DMPK: variants seen among roughly 807,000 people sequenced by gnomAD.
The protein encoded by DMPK is DM1 protein kinase, also known as myotonin-protein kinase.
In DMPK, 32 loss-of-function variants were observed where a neutral mutation model predicts 70.3. That is an observed-to-expected ratio of 0.46 (90% CI 0.34 to 0.61). The LOEUF (loss-of-function observed/expected upper bound fraction) is 0.61, where lower values mean the gene tolerates loss of function less well. Among genes scored for constraint, DMPK ranks in the 20% least tolerant of loss-of-function variants. The pLI is 0.01. For missense variants in DMPK, 899 were observed against 886.0 expected (o/e 1.01, Z -0.19); for synonymous variants, 469 against 390.9 (o/e 1.20, Z -2.36).
chr19:45,772,804 TGGAGA>T, intron 9 of DMPK, 52 bp from the exon 10 acceptor site: 1 of 1,087,418 alleles, frequency 9.2e-7, no homozygotes, highest in Non-Finnish European at 1.3e-6. Flanking sequence ...GATTCTCTGG[TGGAGA>T]ACCAGAACTT....
At chr19:45,770,692 T>G (rs1411014541) in intron 14 of DMPK, 52 bp from the exon 15 acceptor site, 2 of 1,533,306 alleles carry the variant, frequency 1.3e-6, no homozygotes, top group Admixed American at 4.0e-5. Context: ...GATTGGCTCC[T>G]GGGACTCGCC....
At chr19:45,774,045 C>A (rs989465192) in intron 9 of DMPK, among the ~76,000 whole-genome samples, 1 of 151,636 alleles carries the variant, frequency 6.6e-6, no homozygotes, top group Non-Finnish European at 1.5e-5. Context: ...CAACCTCCCC[C>A]TCCTGGGTTC....
At chr19:45,781,905 G>C (rs1180935355) in intron 1 of DMPK, among the ~76,000 whole-genome samples, 1 of 152,180 alleles carries the variant, frequency 6.6e-6, no homozygotes, top group African/African-American at 2.4e-5. Context: ...GGTGCAGAGA[G>C]GCCATGGGAG....
At chr19:45,778,254 G>T (rs1969892886) in intron 5 of DMPK, 34 bp from the exon 6 acceptor site, 3 of 1,576,758 alleles carry the variant, frequency 1.9e-6, no homozygotes, top group Non-Finnish European at 2.6e-6. Flanking sequence ...TGGGATAAAT[G>T]AACCTCCCTT....
intron 10 of DMPK, 92 bp downstream of exon 10, chr19:45,772,549 C>A (rs1969525826): frequency 1.4e-6 from 1 of 739,730 alleles, no homozygotes; most frequent in Non-Finnish European, 2.1e-6. Context: ...CAGGAAGTCC[C>A]TAGAGGGCTC....
Position 45,777,449 on chromosome 19 carries a change from G to A in DMPK, c.1024C>T (p.Leu342Phe), listed in dbSNP as rs1340765223. The A allele has an allele frequency of 3.1e-6, 5 of 1,613,392 alleles. No individual in the cohort carries two copies. The African/African-American group carries it at 5.3e-5, about 17-fold the overall frequency. The part of the protein sequence containing the change: ...DFRTHPFFFG[L>F]DWDGLRDSVP... ...CTGTCCCGGAGACCATCCCAGTCGA[G>A]GCCAAAGAAGAAGGGATGTGTCCGG... Residue 342 changes from leucine (L) to phenylalanine (F), a missense_variant, in exon 8 of 15, where the codon CTC (leucine) becomes TTC (phenylalanine). This residue lies in a region of DMPK where 555 missense variants were observed against 483.8 expected (regional missense o/e 1.15). Coordinates refer to ENST00000291270, the MANE Select transcript of DMPK (RefSeq NM_004409.5). The surrounding 1 kb of genome is among the most constrained non-coding windows in gnomAD (Gnocchi z 6.7).
At chr19:45,779,152 C>A in intron 4 of DMPK, 112 bp downstream of exon 4, 3 of 1,092,908 alleles carry the variant, frequency 2.7e-6, no homozygotes, top group South Asian at 1.3e-5. Flanking sequence ...GACTTTCCCA[C>A]AGACGTTTCC....
rs1969693435 is a variant in DMPK at position 45,774,959 on chromosome 19, T to C, written c.1222A>G (p.Met408Val). 2.5e-6 allele frequency: 4 copies of C among 1,613,860 alleles called. No homozygotes were observed. Among genetic ancestry groups the C allele is most frequent in the Non-Finnish European group, 3.4e-6 (4 of 1,179,942 alleles). Reference sequence around the variant, plus strand: ...CAGGGCAGTGCTTACCTGAGGGCCATGCAGGAGTAGGAGTAGCCCACAAAA... The same window carrying C: ...CAGGGCAGTGCTTACCTGAGGGCCACGCAGGAGTAGGAGTAGCCCACAAAA... Reference protein sequence around the residue: ...LPFVGYSYSCMALRDSEVPGP... With the variant: ...LPFVGYSYSCVALRDSEVPGP... Residue 408 changes from methionine (M) to valine (V), a missense_variant, in exon 9 of 15, where the codon ATG (methionine) becomes GTG (valine). By Grantham distance (21) the Met-to-Val change is conservative (BLOSUM62 1). Around this residue, in one of 3 missense-constraint regions of DMPK, gnomAD observed 555 missense variants for 483.8 expected, o/e 1.15. Transcript: ENST00000291270.
rs201008625 is a variant in DMPK, at chr19:45,777,632, C to A, written c.882+35G>T. On this transcript the variant is annotated intron_variant, in intron 7 of 14. Transcript: ENST00000291270. The surrounding 1 kb of genome is among the most constrained non-coding windows in gnomAD (Gnocchi z 6.7). The stretch of plus-strand genomic sequence containing the variant: ...GAGGCGATAGCCTGGGAGCGCCTAC[C>A]GGGAGAGGCCAGGTCTCCCTGCGGC... The A allele has an allele frequency of 5.1e-5, 82 of 1,613,276 alleles. No homozygotes were observed. The African/African-American group carries it at 1.0e-3, about 20-fold the overall frequency.
chr19:45,777,930 T>C lies in DMPK; in HGVS notation c.676-57A>G, dbSNP rs1015957267. 10 of 1,511,446 alleles carry C rather than the reference T, an allele frequency of 6.6e-6. No individual in the cohort carries two copies. The Middle Eastern group carries it at 5.3e-4, about 80-fold the overall frequency. The allele number at this position is 1,511,446 out of a possible 1,614,324, so 93.6% of individuals were successfully genotyped here. A position where few individuals can be genotyped will look rare whatever the true frequency, so the allele number is the denominator to read the frequency against. On this transcript the variant is annotated intron_variant, in intron 6 of 14. Transcript: ENST00000291270. The surrounding 1 kb of genome is among the most constrained non-coding windows in gnomAD (Gnocchi z 6.7). ...CCCACCCCTCTGGGCCCACCAGCTC[T>C]GGGCCCTCCTTCCAACCACTCCCCA...
rs1969251233 is a variant in DMPK, at chr19:45,770,178, A to T, written c.*310T>A. 1.5e-6 allele frequency: 1 copy of T among 670,566 alleles called. No homozygotes were observed. Among genetic ancestry groups the T allele is most frequent in the Non-Finnish European group, 2.4e-6 (1 of 410,720 alleles). The allele number at this position is 670,566 out of a possible 1,614,324, so 41.5% of individuals were successfully genotyped here. A position where few individuals can be genotyped will look rare whatever the true frequency, so the allele number is the denominator to read the frequency against. On this transcript the variant is annotated 3_prime_UTR_variant, in exon 15 of 15. Transcript: ENST00000291270. ...CCACGTCAGGGCCTCAGCCTGGCCG[A>T]AAGAAAGAAATGGTCTGTGATCCCC...
rs2146216372 is a variant in DMPK, at chr19:45,770,397, T to G, written c.*91A>C. ...CGGAGACCCACGCTCGGAGCGGTTG[T>G]GAACTGGCAGGCGGTGGGCGCGGCT... is the stretch of plus-strand genomic sequence containing the variant. On this transcript the variant is annotated 3_prime_UTR_variant, in exon 15 of 15. Coordinates refer to ENST00000291270, the MANE Select transcript of DMPK (RefSeq NM_004409.5). 1 of 1,474,594 alleles carries G rather than the reference T, an allele frequency of 6.8e-7. No individual in the cohort carries two copies. Among genetic ancestry groups the G allele is most frequent in the East Asian group, 2.5e-5 (1 of 40,522 alleles). The allele number at this position is 1,474,594 out of a possible 1,614,324, so 91.3% of individuals were successfully genotyped here.
At chr19:45,774,121 TTTTG>T (rs1012303363) in intron 9 of DMPK, among the ~76,000 whole-genome samples, 1 of 151,954 alleles carries the variant, frequency 6.6e-6, no homozygotes, top group Non-Finnish European at 1.5e-5. Context: ...GCCTGGCTAA[TTTTG>T]TTTTTTAGTA....
intron 4 of DMPK, 88 bp downstream of exon 4, chr19:45,779,176 A>C: frequency 7.2e-7 from 1 of 1,390,564 alleles, no homozygotes; most frequent in Non-Finnish European, 1.0e-6. Flanking sequence ...CAGCACCCCC[A>C]ATCCTAGAGC....
Position 45,777,760 on chromosome 19 carries a change from C to A in DMPK, c.789G>T (p.Ala263=), listed in dbSNP as rs754630789. 13 of 1,613,332 alleles carry A rather than the reference C, an allele frequency of 8.1e-6. No individual in the cohort carries two copies. Among genetic ancestry groups the A allele is most frequent in the Middle Eastern group, 3.3e-4 (2 of 6,062 alleles). ...GSYGPECDWW[A]LGVFAYEMFY... ...ACATTTCATAGGCGAATACACCCAGCGCCCACCAGTCACACTCGGGCCCGT... is the reference window on the plus strand; with the variant it reads ...ACATTTCATAGGCGAATACACCCAGAGCCCACCAGTCACACTCGGGCCCGT... Residue 263 remains alanine, a synonymous_variant, in exon 7 of 15, where the codon GCG becomes GCT. Coordinates refer to ENST00000291270, the MANE Select transcript of DMPK (RefSeq NM_004409.5). This position sits in a 1 kb window ranked among gnomAD's most constrained non-coding sequence, Gnocchi z 6.7.
rs776764650 is a variant in DMPK at position 45,777,820 on chromosome 19, C to T, written c.729G>A (p.Leu243=). The change falls in exon 7 of 15, where the codon CTG becomes CTA. Residue 243 remains leucine (L), a synonymous_variant. Transcript: ENST00000291270. The surrounding 1 kb of genome is among the most constrained non-coding windows in gnomAD (Gnocchi z 6.7). ...TCCCAGGCCCACCGCCCACAGCCTG[C>T]AGGATCTCGGGGGACAGGTAGTCTG... ...GTPDYLSPEI[L]QAVGGGPGTG... The T allele has an allele frequency of 3.1e-6, 5 of 1,612,404 alleles. No homozygotes were observed. In the South Asian group the frequency reaches 3.3e-5, roughly 11 times the overall value.
chr19:45,774,879 G>T, intron 9 of DMPK, 70 bp downstream of exon 9: 1 of 1,237,298 alleles, frequency 8.1e-7, no homozygotes, highest in Non-Finnish European at 1.2e-6. Context: ...TCCATTGGCT[G>T]CCAAGGAGCA....
Position 45,770,198 on chromosome 19 carries a change from A to AT in DMPK, c.*289dup. 1 of 614,236 alleles carries AT rather than the reference A, an allele frequency of 1.6e-6. No individual in the cohort carries two copies. The highest frequency in any genetic ancestry group is 2.2e-5 in the African/African-American group (1 of 44,714). The allele number at this position is 614,236 out of a possible 1,614,324, so 38.0% of individuals were successfully genotyped here. A position where few individuals can be genotyped will look rare whatever the true frequency, so the allele number is the denominator to read the frequency against. ...GGCCGAAAGAAAGAAATGGTCTGTG[A>AT]TCCCCCCAGCAGCAGCAGCAGCAGC... is the stretch of plus-strand genomic sequence containing the variant. On this transcript the variant is annotated 3_prime_UTR_variant, in exon 15 of 15. Transcript: ENST00000291270.
intron 1 of DMPK, among the ~76,000 whole-genome samples, chr19:45,781,678 C>T (rs1378475308): frequency 3.3e-5 from 5 of 152,188 alleles, no homozygotes; most frequent in Admixed American, 6.5e-5. Context: ...CGTGAGTCAC[C>T]GCCCTCCCAG....
Sources: allele counts gnomAD v4.1 joint callset (sites outside exome capture counted in the v4.1 genomes callset), GRCh38; gene constraint gnomAD v4.1.1; regional missense constraint gnomAD v4.1.1; non-coding constraint Gnocchi (gnomAD v3.1); transcripts MANE v1.5; gene names NCBI Gene and HGNC (gene_info 2026-07-23, HGNC 2026-07-21).